HMBOX1: variants seen among roughly 807,000 people sequenced by gnomAD.
The protein encoded by HMBOX1 is homeobox-containing protein 1.
A neutral mutation model predicts 54.5 loss-of-function variants in HMBOX1; 14 were observed. The ratio of observed to expected loss-of-function variants is 0.26; its 90% CI spans 0.17 to 0.40. The LOEUF is 0.40. Ranked by LOEUF, HMBOX1 falls within the 10% of genes least tolerant of loss-of-function variation. HMBOX1 has a pLI of 1.00. For missense variants in HMBOX1, 332 were observed against 514.4 expected (o/e 0.65, Z 3.43); for synonymous variants, 160 against 181.0 (o/e 0.88, Z 0.93).
intron 1 of HMBOX1, among the ~76,000 whole-genome samples, chr8:28,919,998 TGTG>T (rs1427885051): frequency 1.6e-4 from 24 of 152,044 alleles, no homozygotes; most frequent in African/African-American, 4.3e-4. Flanking sequence ...TGTGTGTGTG[TGTG>T]TTTTTCAATA....
At chr8:28,992,726 CG>C (rs1831166286) in intron 4 of HMBOX1, among the ~76,000 whole-genome samples, 1 of 151,476 alleles carries the variant, frequency 6.6e-6, no homozygotes, top group African/African-American at 2.4e-5. Context: ...AAAAACTAGC[CG>C]GGTGTAGTGG....
intron 1 of HMBOX1, among the ~76,000 whole-genome samples, chr8:28,913,131 A>C (rs1445486574): frequency 1.3e-5 from 2 of 152,110 alleles, no homozygotes; most frequent in Admixed American, 1.3e-4. Context: ...GTTACTGTAA[A>C]ATCTCCTAAT....
At position 29,014,286 on chromosome 8, in the gene HMBOX1, A is replaced by G. The variant is rs527757879; in HGVS notation, c.698-4474A>G. Among the ~76,000 whole-genome samples the G allele has an allele frequency of 3.9e-5, 6 of 152,274 alleles. No individual in the cohort carries two copies. In the South Asian group the frequency reaches 1.2e-3, roughly 32 times the overall value. On this transcript the variant is annotated intron_variant, in intron 5 of 9. Transcript: ENST00000287701. Reference sequence around the variant, plus strand: ...AGATGGGGGGAAAAAAGATTTCTGTAAGGAAATAGACAACACACTTTTCCT... The same window carrying G: ...AGATGGGGGGAAAAAAGATTTCTGTGAGGAAATAGACAACACACTTTTCCT...
rs1833967709 is a variant in HMBOX1 at position 29,009,628 on chromosome 8, A to G, written c.697+446A>G. 57 of 966,914 alleles carry G rather than the reference A, an allele frequency of 5.9e-5. No individual in the cohort carries two copies. The South Asian group carries it at 1.0e-3, about 17-fold the overall frequency. The allele number at this position is 966,914 out of a possible 1,614,324, so 59.9% of individuals were successfully genotyped here. ...CCATATCCAGTGATCTCTGCTAATG[A>G]TTTTTTTTTTTCTAATTCTAATGAC... is the stretch of plus-strand genomic sequence containing the variant. On this transcript the variant is annotated intron_variant, in intron 5 of 9. Coordinates refer to ENST00000287701, the MANE Select transcript of HMBOX1 (RefSeq NM_001135726.3).
chr8:28,903,181 C>T (rs985910885), intron 1 of HMBOX1, among the ~76,000 whole-genome samples: 3 of 151,944 alleles, frequency 2.0e-5, no homozygotes, highest in Non-Finnish European at 4.4e-5. Context: ...AGAAGCAAAA[C>T]GAACAAAAAG....
intron 1 of HMBOX1, among the ~76,000 whole-genome samples, chr8:28,892,212 G>T (rs930902907): frequency 1.3e-5 from 2 of 152,134 alleles, no homozygotes; most frequent in Non-Finnish European, 1.5e-5. Context: ...GCAGTGCTTT[G>T]CATTAAACTT....
At chr8:28,935,281 T>G (rs551165996) in intron 1 of HMBOX1, among the ~76,000 whole-genome samples, 1 of 152,176 alleles carries the variant, frequency 6.6e-6, no homozygotes, top group Non-Finnish European at 1.5e-5. Context: ...CTGTCATTTA[T>G]ATGGAAATTC....
At chr8:28,919,169 T>G (rs1427427676) in intron 1 of HMBOX1, among the ~76,000 whole-genome samples, 1 of 152,206 alleles carries the variant, frequency 6.6e-6, no homozygotes, top group Non-Finnish European at 1.5e-5. Context: ...GTGCCTTTGT[T>G]TGTGGGGAAT....
At chr8:29,049,474 C>T (rs559600082) in intron 9 of HMBOX1, 94 of 1,467,302 alleles carry the variant, frequency 6.4e-5, no homozygotes, top group South Asian at 3.7e-4. Context: ...AAACACGTAC[C>T]GACGCAGGGC....
rs979672315 is a variant in HMBOX1, at chr8:29,033,336, T to A, written c.852-12025T>A. On this transcript the variant is annotated intron_variant, in intron 6 of 9. Coordinates refer to ENST00000287701, the MANE Select transcript of HMBOX1 (RefSeq NM_001135726.3). ...ATGGAATGACTCGGGTGGAACATAA[T>A]GAACTACACCTCCTGTATCTCTCTA... Among the ~76,000 whole-genome samples, 15 of 152,238 alleles carry A rather than the reference T, an allele frequency of 9.9e-5. 1 individual carries two copies. The highest frequency in any genetic ancestry group is 7.2e-4 in the Admixed American group (11 of 15,278).
Position 29,010,025 on chromosome 8 carries a change from A to G in HMBOX1, c.697+843A>G, listed in dbSNP as rs766138212. On this transcript the variant is annotated intron_variant, in intron 5 of 9. Coordinates refer to ENST00000287701, the MANE Select transcript of HMBOX1 (RefSeq NM_001135726.3). ...TAGCATTGGCTCTGAGGTAGAAATA[A>G]AGAATGTCATAGAGATGTATTTTTG... 343 of 984,756 alleles carry G rather than the reference A, an allele frequency of 3.5e-4. 1 individual carries two copies. Among genetic ancestry groups the G allele is most frequent in the Non-Finnish European group, 3.9e-4 (326 of 829,412 alleles). The allele number at this position is 984,756 out of a possible 1,614,324, so 61.0% of individuals were successfully genotyped here.
chr8:28,904,801 A>G (rs1025286617), intron 1 of HMBOX1, among the ~76,000 whole-genome samples: 2 of 151,572 alleles, frequency 1.3e-5, no homozygotes, highest in African/African-American at 2.4e-5. Flanking sequence ...TCAGCCTTCC[A>G]AGTAGCTGGG....
chr8:29,030,350 T>TG (rs2133165429), intron 6 of HMBOX1, among the ~76,000 whole-genome samples: 1 of 152,122 alleles, frequency 6.6e-6, no homozygotes, highest in Admixed American at 6.5e-5. Context: ...CCCGAGAAGC[T>TG]GGGATTACAG....
intron 3 of HMBOX1, among the ~76,000 whole-genome samples, chr8:28,972,035 A>G (rs1480257709): frequency 6.6e-6 from 1 of 152,252 alleles, no homozygotes; most frequent in Non-Finnish European, 1.5e-5. Context: ...ATAGTACCAC[A>G]ATGTTGAAAT....
chr8:28,999,864 AC>A (rs1832381345), intron 4 of HMBOX1, among the ~76,000 whole-genome samples: 1 of 152,094 alleles, frequency 6.6e-6, no homozygotes, highest in Non-Finnish European at 1.5e-5. Flanking sequence ...ATCTTTGTCT[AC>A]TAAGTTCAAT....
intron 6 of HMBOX1, among the ~76,000 whole-genome samples, chr8:29,030,601 C>G (rs1297535122): frequency 6.6e-6 from 1 of 152,186 alleles, no homozygotes; most frequent in Non-Finnish European, 1.5e-5. Flanking sequence ...AATTATATCA[C>G]TCTATGATTC....
chr8:28,964,463 A>ATAT (rs1826114909), intron 2 of HMBOX1, among the ~76,000 whole-genome samples: 1 of 152,200 alleles, frequency 6.6e-6, no homozygotes, highest in Non-Finnish European at 1.5e-5. Context: ...ATGAACTATA[A>ATAT]CCACCAGTTC....
chr8:28,895,805 C>T (rs933706695), intron 1 of HMBOX1, among the ~76,000 whole-genome samples: 4 of 152,112 alleles, frequency 2.6e-5, no homozygotes, highest in Non-Finnish European at 5.9e-5. Flanking sequence ...AAGTTGGTTT[C>T]GTATTTTGTA....
chr8:29,011,207 T>C (rs991373253), intron 5 of HMBOX1, among the ~76,000 whole-genome samples: 7 of 152,350 alleles, frequency 4.6e-5, no homozygotes, highest in African/African-American at 1.7e-4. Flanking sequence ...ATTGTATGTT[T>C]GAAAATTTTT....
Sources: allele counts gnomAD v4.1 joint callset (sites outside exome capture counted in the v4.1 genomes callset), GRCh38; gene constraint gnomAD v4.1.1; transcripts MANE v1.5; gene names NCBI Gene and HGNC (gene_info 2026-07-23, HGNC 2026-07-21).